Variants in RABGEF1 observed in about 807,000 individuals in gnomAD.
RABGEF1 encodes the protein RAB guanine nucleotide exchange factor 1, also known as rab5 GDP/GTP exchange factor.
Under a neutral mutation model 57.3 loss-of-function variants are expected in RABGEF1, and 26 were observed. The ratio of observed to expected loss-of-function variants is 0.45; its 90% CI spans 0.33 to 0.63. RABGEF1 has a LOEUF of 0.63. RABGEF1 is among the 20% of genes least tolerant of loss of function. The pLI, the probability that RABGEF1 is intolerant of heterozygous loss-of-function variation, is 0.02. For synonymous variants in RABGEF1, 185 were observed against 210.7 expected (o/e 0.88, Z 1.06); for missense variants, 464 against 607.6 (o/e 0.76, Z 2.48).
At chr7:66,699,744 T>C (rs1792942150) in intron 1 of RABGEF1, among the ~76,000 whole-genome samples, 1 of 151,068 alleles carries the variant, frequency 6.6e-6, no homozygotes, top group Non-Finnish European at 1.5e-5. Context: ...TCCCAGCTAC[T>C]CGGGAGGCTG....
the RABGEF1 span, chr7:66,654,588 G>C: frequency 6.6e-6 from 1 of 152,618 alleles, no homozygotes. Context: ...AGCCACGCGG[G>C]CGAGCGGCTG....
chr7:66,660,423 T>C, the RABGEF1 span, among the ~76,000 whole-genome samples: 240 of 150,874 alleles, frequency 1.6e-3, no homozygotes, highest in African/African-American at 5.6e-3. Context: ...GATTATAAGA[T>C]AATACCACAA....
intron 1 of RABGEF1, among the ~76,000 whole-genome samples, chr7:66,765,793 T>C (rs966913160): frequency 1.3e-5 from 2 of 152,166 alleles, no homozygotes; most frequent in African/African-American, 4.8e-5. Flanking sequence ...TGATCCTGAA[T>C]TGGGGGACCA....
At chr7:66,761,086 A>G (rs1804211492) in intron 1 of RABGEF1, among the ~76,000 whole-genome samples, 1 of 152,224 alleles carries the variant, frequency 6.6e-6, no homozygotes, top group African/African-American at 2.4e-5. Context: ...GCAGGGAACA[A>G]AACCCCTCAA....
intron 1 of RABGEF1, among the ~76,000 whole-genome samples, chr7:66,697,260 C>A (rs4718388): frequency 6.6e-6 from 1 of 152,314 alleles, no homozygotes; most frequent in East Asian, 1.9e-4. Context: ...AGAGCCTCTA[C>A]TTCCCCACCT....
chr7:66,661,216 G>T, the RABGEF1 span, among the ~76,000 whole-genome samples: 1 of 141,106 alleles, frequency 7.1e-6, no homozygotes, highest in Middle Eastern at 4.0e-3. Flanking sequence ...GGAGAATGGC[G>T]TAAACCCAGG....
intron 1 of RABGEF1, among the ~76,000 whole-genome samples, chr7:66,688,729 C>T (rs1482214569): frequency 6.6e-6 from 1 of 152,156 alleles, no homozygotes; most frequent in Non-Finnish European, 1.5e-5. Flanking sequence ...GAAAACACAA[C>T]ATACCAGAAT....
intron 2 of RABGEF1, among the ~76,000 whole-genome samples, chr7:66,774,179 T>C (rs148442216): frequency 9.5e-4 from 145 of 152,358 alleles, no homozygotes; most frequent in African/African-American, 3.4e-3. Context: ...CTTGACCAAG[T>C]TCTATTTCTT....
intron 1 of RABGEF1, among the ~76,000 whole-genome samples, chr7:66,759,623 G>A (rs928166369): frequency 2.6e-5 from 4 of 152,178 alleles, no homozygotes; most frequent in Non-Finnish European, 4.4e-5. Context: ...GGTGGCCTCA[G>A]GAAGCTTCCA....
intron 2 of RABGEF1, among the ~76,000 whole-genome samples, chr7:66,735,409 T>G (rs564683770): frequency 1.3e-5 from 2 of 152,366 alleles, no homozygotes; most frequent in East Asian, 1.9e-4. Context: ...CTGGCAGAGA[T>G]CCACATAAGA....
the RABGEF1 span, among the ~76,000 whole-genome samples, chr7:66,667,822 G>A: frequency 6.6e-6 from 1 of 152,138 alleles, no homozygotes; most frequent in Non-Finnish European, 1.5e-5. Context: ...GTTTGAGATG[G>A]AGTCTTGCTC....
At chr7:66,750,448 T>G (rs1801154657) in intron 1 of RABGEF1, among the ~76,000 whole-genome samples, 2 of 152,204 alleles carry the variant, frequency 1.3e-5, no homozygotes, top group African/African-American at 2.4e-5. Flanking sequence ...AGCCTATTTT[T>G]GGTTTATGAC....
Position 66,811,461 on chromosome 7 carries a change from A to G in RABGEF1, c.*2177A>G, listed in dbSNP as rs1308495361. ...AGTTTCACAATCCGTCCCTCTTCCA[A>G]AAATTGATTTGGTTCTTTCTTAGGA... is the stretch of plus-strand genomic sequence containing the variant. On this transcript the variant is annotated 3_prime_UTR_variant, in exon 9 of 9. Transcript: ENST00000284957. The G allele has an allele frequency of 6.6e-6, 1 of 152,618 alleles. No individual in the cohort carries two copies. Among genetic ancestry groups the G allele is most frequent in the Non-Finnish European group, 1.5e-5 (1 of 68,046 alleles). 9.5% of individuals were successfully genotyped at this position (152,618 alleles called of 1,614,324 possible).
chr7:66,694,703 C>G (rs1045786407), intron 1 of RABGEF1, among the ~76,000 whole-genome samples: 1 of 151,424 alleles, frequency 6.6e-6, no homozygotes, highest in South Asian at 2.1e-4. Flanking sequence ...AGAATGAAGT[C>G]GGAATCTCGT....
chr7:66,725,881 C>T (rs1006513338), intron 2 of RABGEF1, among the ~76,000 whole-genome samples: 28 of 152,188 alleles, frequency 1.8e-4, no homozygotes, highest in African/African-American at 6.5e-4. Flanking sequence ...TGGACCCTTC[C>T]ATGTGAAGAC....
intron 3 of RABGEF1, among the ~76,000 whole-genome samples, chr7:66,779,622 T>G (rs1379403173): frequency 6.7e-6 from 1 of 150,248 alleles, no homozygotes; most frequent in Non-Finnish European, 1.5e-5. Context: ...CAATGTGCTG[T>G]GATCATGCAA....
At chr7:66,657,816 A>G in the RABGEF1 span, among the ~76,000 whole-genome samples, 5 of 150,400 alleles carry the variant, frequency 3.3e-5, no homozygotes, top group African/African-American at 1.2e-4. Flanking sequence ...GTGAGACTCT[A>G]TCTCAAAAAA....
chr7:66,660,335 G>A, the RABGEF1 span, among the ~76,000 whole-genome samples: 3 of 144,956 alleles, frequency 2.1e-5, no homozygotes, highest in South Asian at 2.2e-4. Context: ...GTGACAAAGC[G>A]AGACTCCATC....
At chr7:66,706,851 A>G (rs1584817984) in intron 1 of RABGEF1, among the ~76,000 whole-genome samples, 1 of 120,674 alleles carries the variant, frequency 8.3e-6, no homozygotes, top group South Asian at 2.6e-4. Context: ...TCGCGATCTC[A>G]GCTCACTGCA....
Sources: gnomAD v4.1 joint callset for allele counts (sites outside exome capture counted in the v4.1 genomes callset) on GRCh38, gnomAD v4.1.1 for gene constraint, MANE v1.5 for transcripts, NCBI Gene and HGNC (gene_info 2026-07-23, HGNC 2026-07-21) for gene names.